PRKN: variants seen among roughly 807,000 people sequenced by gnomAD.
The protein encoded by PRKN is E3 ubiquitin-protein ligase parkin.
Under a neutral mutation model 59.5 loss-of-function variants are expected in PRKN, and 56 were observed. The ratio of observed to expected loss-of-function variants is 0.94; its 90% confidence interval spans 0.76 to 1.18. The LOEUF (loss-of-function observed/expected upper bound fraction) is 1.18, where lower values mean the gene tolerates loss of function less well. Among genes scored for constraint, PRKN ranks in the 50% most tolerant of loss-of-function variants. The probability of loss-of-function intolerance (pLI) is 0.00; values close to 1 mark genes in which losing one functional copy is unlikely to be tolerated. For missense variants in PRKN, 657 were observed against 596.4 expected, an observed-to-expected ratio of 1.10 and a Z score of -1.06; for synonymous variants, 250 against 222.1, an observed-to-expected ratio of 1.13 and a Z score of -1.12.
intron 1 of PRKN, among the ~76,000 whole-genome samples, chr6:162,721,543 G>A (rs1179326924): frequency 6.6e-6 from 1 of 152,042 alleles, no homozygotes; most frequent in African/African-American, 2.4e-5. Flanking sequence ...TGCCTGTCTA[G>A]AAGGCCGCCT....
rs776644079 is a variant in PRKN at position 162,443,326 on chromosome 6, T to C, written c.155A>G (p.Asn52Ser). Residue 52 changes from asparagine to serine, a missense_variant, in exon 2 of 12, where the codon AAT becomes AGT. Coordinates refer to ENST00000366898, the MANE Select transcript of PRKN (RefSeq NM_004562.3). ...RVIFAGKELRNDWTVQNCDLD... is the reference protein window; with the variant it reads ...RVIFAGKELRSDWTVQNCDLD... ...GAGACTCACCTGCACAGTCCAGTCA[T>C]TCCTCAGCTCCTTCCCTGCGAAAAT... 5 of 1,611,426 alleles carry C rather than the reference T, an allele frequency of 3.1e-6. No individual in the cohort carries two copies. The highest frequency in any genetic ancestry group is 4.2e-6 in the Non-Finnish European group (5 of 1,179,306).
At chr6:162,130,333 C>A (rs972187221) in intron 4 of PRKN, among the ~76,000 whole-genome samples, 1 of 152,028 alleles carries the variant, frequency 6.6e-6, no homozygotes, top group African/African-American at 2.4e-5. Context: ...TTTTAGAGGT[C>A]AAAAATCTCA....
chr6:161,352,755 G>GTA lies in PRKN; in HGVS notation c.1286-2546_1286-2545dup, dbSNP rs1554251151. ...TGTGTGTGTGTGTGTGTGTGTGTGT[G>GTA]TATATATATATATATATTTTATTTT... On this transcript the variant is annotated intron_variant, in intron 11 of 11. Coordinates refer to ENST00000366898, the MANE Select transcript of PRKN (RefSeq NM_004562.3). This position sits in a 1 kb window ranked among gnomAD's most constrained non-coding sequence, Gnocchi z 5.8. Among the ~76,000 whole-genome samples, 4,297 of 134,304 alleles carry GTA rather than the reference G, an allele frequency of 0.032. 88 individuals carry two copies. The highest frequency in any genetic ancestry group is 0.049 in the Non-Finnish European group (3,098 of 62,848). The allele number at this position is 134,304 out of a possible 152,430, so 88.1% of individuals were successfully genotyped here.
At chr6:162,595,054 G>A (rs1293076376) in intron 1 of PRKN, among the ~76,000 whole-genome samples, 2 of 151,690 alleles carry the variant, frequency 1.3e-5, no homozygotes, top group African/African-American at 4.8e-5. Context: ...GGTGCCTGTA[G>A]TCCCAGCTAC....
chr6:162,107,691 T>C (rs1780250601), intron 4 of PRKN, among the ~76,000 whole-genome samples: 1 of 152,174 alleles, frequency 6.6e-6, no homozygotes. Flanking sequence ...ACTGTTCCTT[T>C]TTCTCTTTTC....
intron 7 of PRKN, among the ~76,000 whole-genome samples, chr6:161,780,711 A>C (rs763269458): frequency 2.4e-4 from 36 of 152,364 alleles, no homozygotes; most frequent in Middle Eastern, 3.4e-3. Flanking sequence ...ATACGTGAAC[A>C]TCAATGTGAT....
intron 7 of PRKN, among the ~76,000 whole-genome samples, chr6:161,766,306 T>C (rs1410008601): frequency 2.4e-5 from 3 of 123,876 alleles, no homozygotes; most frequent in Non-Finnish European, 3.5e-5. Context: ...CCTGCTGTCA[T>C]TGACCACATT....
intron 2 of PRKN, among the ~76,000 whole-genome samples, chr6:162,427,964 T>C (rs1415796575): frequency 3.9e-5 from 6 of 152,112 alleles, no homozygotes; most frequent in Admixed American, 2.6e-4. Context: ...AGTACATCCA[T>C]CGCTTCAGTT....
At chr6:161,919,228 T>C (rs1410662892) in intron 6 of PRKN, among the ~76,000 whole-genome samples, 1 of 152,160 alleles carries the variant, frequency 6.6e-6, no homozygotes, top group Non-Finnish European at 1.5e-5. Context: ...ATCTCAAAAT[T>C]ACGCTGAGGG....
At chr6:162,286,813 C>T (rs1050643891) in intron 2 of PRKN, among the ~76,000 whole-genome samples, 1 of 152,126 alleles carries the variant, frequency 6.6e-6, no homozygotes, top group Non-Finnish European at 1.5e-5. Flanking sequence ...AATTTCATAA[C>T]GACTCCTTGA....
chr6:161,658,030 A>AAAAAAAGAAAG (rs781518268), intron 7 of PRKN, among the ~76,000 whole-genome samples: 1 of 104,880 alleles, frequency 9.5e-6, no homozygotes, highest in Non-Finnish European at 1.9e-5. Context: ...AAAAAAAAAA[A>AAAAAAAGAAAG]AAAAGAAAAG....
At chr6:162,645,254 C>CA (rs900705064) in intron 1 of PRKN, among the ~76,000 whole-genome samples, 35 of 151,296 alleles carry the variant, frequency 2.3e-4, no homozygotes, top group South Asian at 1.5e-3. Flanking sequence ...CATAAAATAT[C>CA]AAAAAAAAGG....
chr6:162,192,619 A>ATTT (rs10625449), intron 4 of PRKN, among the ~76,000 whole-genome samples: 20 of 147,844 alleles, frequency 1.4e-4, no homozygotes, highest in Admixed American at 2.0e-4. Flanking sequence ...CGCCCAGCTA[A>ATTT]TTTTTTTTTT....
intron 7 of PRKN, among the ~76,000 whole-genome samples, chr6:161,591,271 A>G (rs1312146314): frequency 6.6e-6 from 1 of 152,212 alleles, no homozygotes; most frequent in Non-Finnish European, 1.5e-5. Context: ...TGAGTCTAAA[A>G]TTACGTCAAA....
In PRKN at chr6:161,378,700, G is replaced by C. The variant is rs531832674; in HGVS notation, c.1167+8094C>G. ...CCTACTGCCCAGAAGCTGTTGACCT[G>C]ATGAGACGGATGGACCAGGCTTGCA... On this transcript the variant is annotated intron_variant, in intron 10 of 11. Coordinates refer to ENST00000366898, the MANE Select transcript of PRKN (RefSeq NM_004562.3). The surrounding 1 kb of genome is among the most constrained non-coding windows in gnomAD (Gnocchi z 7.3). Among the ~76,000 whole-genome samples the C allele has an allele frequency of 4.3e-4, 65 of 152,342 alleles. No homozygotes were observed. The South Asian group carries it at 0.01, about 24-fold the overall frequency.
intron 4 of PRKN, among the ~76,000 whole-genome samples, chr6:162,091,602 C>T (rs1199604258): frequency 6.6e-6 from 1 of 152,196 alleles, no homozygotes; most frequent in African/African-American, 2.4e-5. Flanking sequence ...TCTCTGCAGG[C>T]ACCGATCGTC....
At chr6:161,697,990 T>C (rs1245738773) in intron 7 of PRKN, among the ~76,000 whole-genome samples, 3 of 152,190 alleles carry the variant, frequency 2.0e-5, no homozygotes, top group Non-Finnish European at 2.9e-5. Context: ...CTTGGATTAA[T>C]GGGCCATAAT....
intron 6 of PRKN, among the ~76,000 whole-genome samples, chr6:161,893,363 G>C (rs1261998384): frequency 6.6e-6 from 1 of 152,152 alleles, no homozygotes; most frequent in Non-Finnish European, 1.5e-5. Flanking sequence ...AGGAGGGCTG[G>C]TTATCTGTTC....
rs1781227460 is a variant in PRKN, at chr6:161,578,717, C to T, written c.872-9301G>A. The stretch of plus-strand genomic sequence containing the variant: ...CCTGCACTAGATCTAATCAGCGCTG[C>T]TCTGCAATAGATTTTCTGTGGTCAT... On this transcript the variant is annotated intron_variant, in intron 7 of 11. Transcript: ENST00000366898. The surrounding 1 kb of genome is among the most constrained non-coding windows in gnomAD (Gnocchi z 4.2). Among the ~76,000 whole-genome samples the T allele has an allele frequency of 6.6e-6, 1 of 152,324 alleles. No homozygotes were observed. The highest frequency in any genetic ancestry group is 2.1e-4 in the South Asian group (1 of 4,830).
Sources: gnomAD v4.1 joint callset for allele counts (sites outside exome capture counted in the v4.1 genomes callset) on GRCh38, gnomAD v4.1.1 for gene constraint, Gnocchi (gnomAD v3.1) non-coding constraint, MANE v1.5 for transcripts, NCBI Gene and HGNC (gene_info 2026-07-23, HGNC 2026-07-21) for gene names.